Variants in AEBP2 observed in about 807,000 individuals in gnomAD.
AEBP2 encodes the protein zinc finger protein AEBP2.
In AEBP2, 10 loss-of-function variants were observed where a neutral mutation model predicts 50.8. The ratio of observed to expected loss-of-function variants is 0.20; its 90% CI spans 0.12 to 0.33. The LOEUF (loss-of-function observed/expected upper bound fraction) is 0.33, where lower values mean the gene tolerates loss of function less well. Among genes scored for constraint, AEBP2 ranks in the 10% least tolerant of loss-of-function variants. AEBP2 has a pLI of 1.00. For synonymous variants in AEBP2, 296 were observed against 261.3 expected (o/e 1.13, Z -1.28); for missense variants, 570 against 688.0 (o/e 0.83, Z 1.92).
At chr12:19,442,146 GC>G (rs1435056304) in intron 1 of AEBP2, among the ~76,000 whole-genome samples, 2 of 152,144 alleles carry the variant, frequency 1.3e-5, no homozygotes, top group African/African-American at 4.8e-5. Flanking sequence ...GGTGGCTCAG[GC>G]CTGTTAACCC....
At chr12:19,505,415 T>G (rs776672582) in intron 5 of AEBP2, among the ~76,000 whole-genome samples, 17 of 152,164 alleles carry the variant, frequency 1.1e-4, no homozygotes, top group Non-Finnish European at 1.6e-4. Context: ...CAAAACAGAT[T>G]AAAACCAACC....
At chr12:19,467,779 T>G (rs1287925368) in intron 2 of AEBP2, among the ~76,000 whole-genome samples, 1 of 152,172 alleles carries the variant, frequency 6.6e-6, no homozygotes, top group Non-Finnish European at 1.5e-5. Context: ...ATAAAAACAA[T>G]TTCTGGAAAG....
chr12:19,510,551 C>A (rs919378892), intron 5 of AEBP2, among the ~76,000 whole-genome samples: 2 of 151,980 alleles, frequency 1.3e-5, no homozygotes, highest in Admixed American at 6.6e-5. Flanking sequence ...AATGAGTAAT[C>A]AAAAAATGAA....
At chr12:19,437,992 C>G (rs1242212454), upstream of AEBP2, among the ~76,000 whole-genome samples, 2 of 152,170 alleles carry the variant, frequency 1.3e-5, no homozygotes, top group East Asian at 3.9e-4. Context: ...GAAAATGTGT[C>G]CTTGGGTCAG....
intron 3 of AEBP2, among the ~76,000 whole-genome samples, chr12:19,475,842 T>C (rs924112005): frequency 2.6e-5 from 4 of 152,260 alleles, no homozygotes; most frequent in Admixed American, 6.5e-5. Context: ...TGCTTATTCA[T>C]GTAATTTGCC....
chr12:19,432,639 A>T (rs2095752023), intron 1 of AEBP2, among the ~76,000 whole-genome samples: 1 of 152,082 alleles, frequency 6.6e-6, no homozygotes, highest in Admixed American at 6.6e-5. Flanking sequence ...GTCTACAGTG[A>T]GCCATGATTG....
In AEBP2 at chr12:19,439,798, T is replaced by C; in HGVS notation, c.99T>C (p.Ala33=). ...CGGGTTCGGCGGCGCGGGGCCGGGC[T>C]GAGCCCCCCGAGGAGGAGGAGGAAG... The part of the protein sequence containing the change: ...GSPGSAARGR[A]EPPEEEEEEE... The change falls in exon 1 of 8, where the codon GCT becomes GCC. Residue 33 remains alanine (A), a synonymous_variant. Coordinates refer to ENST00000266508, the MANE Select transcript of AEBP2 (RefSeq NM_153207.5). The C allele has an allele frequency of 6.6e-7, 1 of 1,511,740 alleles. No homozygotes were observed. The highest frequency in any genetic ancestry group is 8.8e-7 in the Non-Finnish European group (1 of 1,137,292). 93.6% of individuals were successfully genotyped at this position (1,511,740 alleles called of 1,614,324 possible). A position where few individuals can be genotyped will look rare whatever the true frequency, so the allele number is the denominator to read the frequency against.
intron 1 of AEBP2, among the ~76,000 whole-genome samples, chr12:19,430,297 A>G (rs1490345568): frequency 1.3e-5 from 2 of 152,052 alleles, no homozygotes; most frequent in Non-Finnish European, 2.9e-5. Flanking sequence ...GATATGTGGC[A>G]TTATTTCTGA....
intron 1 of AEBP2, among the ~76,000 whole-genome samples, chr12:19,426,765 G>A (rs2095748756): frequency 1.3e-5 from 2 of 152,044 alleles, no homozygotes; most frequent in South Asian, 4.2e-4. Flanking sequence ...TTAGCCGGCT[G>A]TGGTGTGCAC....
chr12:19,496,779 A>G (rs1948988687), intron 4 of AEBP2, among the ~76,000 whole-genome samples: 1 of 150,356 alleles, frequency 6.7e-6, no homozygotes, highest in Non-Finnish European at 1.5e-5. Context: ...CTCCCACCTC[A>G]GCCTCCCAGG....
chr12:19,493,825 G>C lies in AEBP2; in HGVS notation c.1013G>C (p.Ser338Thr). The change falls in exon 4 of 8, where the codon AGC becomes ACC. Residue 338 changes from serine (S) to threonine (T), a missense_variant. By Grantham distance (58) the Ser-to-Thr change is moderately conservative. This residue lies in a region of AEBP2 where 184 missense variants were observed against 351.2 expected (regional missense o/e 0.52). Transcript: ENST00000266508. ...TGTGTTGTTGGTGGCTGCAATGCCAGCTTTGCTTCTCAGGGAGGGCTAGCT... is the reference window on the plus strand; with the variant it reads ...TGTGTTGTTGGTGGCTGCAATGCCACCTTTGCTTCTCAGGGAGGGCTAGCT... ...FKCVVGGCNA[S>T]FASQGGLARH... The C allele has an allele frequency of 6.2e-7, 1 of 1,613,750 alleles. No individual in the cohort carries two copies. Among genetic ancestry groups the C allele is most frequent in the South Asian group, 1.1e-5 (1 of 91,048 alleles).
At chr12:19,513,587 C>T (rs1217916131) in intron 6 of AEBP2, among the ~76,000 whole-genome samples, 1 of 151,974 alleles carries the variant, frequency 6.6e-6, no homozygotes, top group African/African-American at 2.4e-5. Flanking sequence ...AGTGAATCCT[C>T]GTCTCTACAG....
intron 2 of AEBP2, 35 bp from the exon 3 acceptor site, chr12:19,473,213 C>A: frequency 5.6e-6 from 6 of 1,068,668 alleles, no homozygotes; most frequent in South Asian, 4.4e-5. Flanking sequence ...TGAGATAAGT[C>A]ATGAAAATTA....
At chr12:19,419,396 T>C (rs1041422536) in intron 1 of AEBP2, among the ~76,000 whole-genome samples, 1 of 151,696 alleles carries the variant, frequency 6.6e-6, no homozygotes, top group Non-Finnish European at 1.5e-5. Context: ...GAGACCATCC[T>C]GGCTACAACA....
chr12:19,478,187 T>C (rs1948678555), intron 3 of AEBP2, among the ~76,000 whole-genome samples: 1 of 152,238 alleles, frequency 6.6e-6, no homozygotes, highest in Admixed American at 6.5e-5. Flanking sequence ...TTAGCACCAC[T>C]CTGGTCTTTG....
chr12:19,483,311 C>T (rs988771303), intron 3 of AEBP2, among the ~76,000 whole-genome samples: 8 of 152,250 alleles, frequency 5.3e-5, no homozygotes, highest in African/African-American at 1.7e-4. Flanking sequence ...AAATCTGTTT[C>T]AGCCCTAGGT....
At chr12:19,501,637 G>GA (rs34429958) in intron 5 of AEBP2, among the ~76,000 whole-genome samples, 7 of 91,202 alleles carry the variant, frequency 7.7e-5, no homozygotes, top group Non-Finnish European at 9.5e-5. Flanking sequence ...ACCCTGTCTG[G>GA]AAAAAAAAAA....
chr12:19,514,832 C>T, intron 7 of AEBP2, 48 bp downstream of exon 7: 1 of 1,432,798 alleles, frequency 7.0e-7, no homozygotes, highest in Non-Finnish European at 9.6e-7. Context: ...TTGTAATTTT[C>T]TCTCCCCAAA....
At chr12:19,442,554 G>A (rs1947981449) in intron 1 of AEBP2, among the ~76,000 whole-genome samples, 1 of 152,186 alleles carries the variant, frequency 6.6e-6, no homozygotes, top group African/African-American at 2.4e-5. Flanking sequence ...ATTTACTTGA[G>A]TATATAATTT....
Sources: allele counts gnomAD v4.1 joint callset (sites outside exome capture counted in the v4.1 genomes callset), GRCh38; gene constraint gnomAD v4.1.1; regional missense constraint gnomAD v4.1.1; transcripts MANE v1.5; gene names NCBI Gene and HGNC (gene_info 2026-07-23, HGNC 2026-07-21).